The following CLXN variants were observed in gnomAD, a reference collection of about 807,000 sequenced individuals.
CLXN encodes the protein EF-hand calcium binding domain 1.
the CLXN span, among the ~76,000 whole-genome samples, chr8:48,730,278 A>T: frequency 6.6e-6 from 1 of 152,242 alleles, no homozygotes; most frequent in South Asian, 2.1e-4. Flanking sequence ...GTATATGTAC[A>T]TAATTAGCAT....
chr8:48,734,385 TA>T, the CLXN span: 3 of 152,230 alleles, frequency 2.0e-5, no homozygotes, highest in African/African-American at 7.2e-5. Flanking sequence ...CAAAGTTTCC[TA>T]TGAAATTCTA....
chr8:48,729,028 A>G, the CLXN span: 1 of 1,586,700 alleles, frequency 6.3e-7, no homozygotes. Context: ...GTTCAGGGAA[A>G]GTCATATCAA....
chr8:48,735,223 C>T, the CLXN span: 2 of 1,567,544 alleles, frequency 1.3e-6, no homozygotes, highest in East Asian at 2.2e-5. Context: ...TCGCGGGACC[C>T]CCGCGAGCCC....
At chr8:48,722,849 T>C in the CLXN span, among the ~76,000 whole-genome samples, 1 of 152,032 alleles carries the variant, frequency 6.6e-6, no homozygotes, top group African/African-American at 2.4e-5. Flanking sequence ...ACAACATGGA[T>C]GAACCTGGAG....
chr8:48,732,278 G>A, the CLXN span, among the ~76,000 whole-genome samples: 24 of 152,226 alleles, frequency 1.6e-4, no homozygotes, highest in African/African-American at 4.3e-4. Context: ...AAGTATGGGC[G>A]GAAGTTGGGG....
At chr8:48,731,322 TA>T in the CLXN span, 1 of 1,563,194 alleles carries the variant, frequency 6.4e-7, no homozygotes, top group East Asian at 2.4e-5. Context: ...TGGATTTGGC[TA>T]ATTTGAATCT....
At chr8:48,731,586 A>G in the CLXN span, 601 of 1,177,036 alleles carry the variant, frequency 5.1e-4, no homozygotes, top group Non-Finnish European at 6.7e-4. Context: ...TTTACAGACA[A>G]ACAACGTCAA....
chr8:48,735,257 G>A, the CLXN span: 1 of 1,295,744 alleles, frequency 7.7e-7, no homozygotes, highest in South Asian at 1.2e-5. Flanking sequence ...ACGCGGTGAG[G>A]TCTCAGTTAC....
the CLXN span, among the ~76,000 whole-genome samples, chr8:48,727,607 G>T: frequency 1.3e-5 from 2 of 152,138 alleles, no homozygotes; most frequent in Non-Finnish European, 2.9e-5. Context: ...TGTGGCTCCA[G>T]CAGCAAGAGA....
chr8:48,734,097 A>G, the CLXN span, among the ~76,000 whole-genome samples: 7 of 152,172 alleles, frequency 4.6e-5, no homozygotes, highest in Admixed American at 3.9e-4. Context: ...CCACTAAGAG[A>G]GCATTTCTTA....
At chr8:48,733,681 T>C in the CLXN span, among the ~76,000 whole-genome samples, 1 of 152,166 alleles carries the variant, frequency 6.6e-6, no homozygotes, top group Admixed American at 6.5e-5. Flanking sequence ...TCATTGAAAA[T>C]TTTTTAGTAA....
At chr8:48,729,692 T>TA in the CLXN span, 2 of 1,567,046 alleles carry the variant, frequency 1.3e-6, no homozygotes, top group East Asian at 4.5e-5. Flanking sequence ...CAAATTTTAA[T>TA]AAAAAACTTG....
the CLXN span, among the ~76,000 whole-genome samples, chr8:48,723,219 G>A: frequency 6.6e-6 from 1 of 152,108 alleles, no homozygotes; most frequent in Non-Finnish European, 1.5e-5. Flanking sequence ...ATTTCACAAT[G>A]CATACAAATA....
chr8:48,714,615 G>A, the CLXN span, among the ~76,000 whole-genome samples: 2 of 152,158 alleles, frequency 1.3e-5, no homozygotes, highest in East Asian at 1.9e-4. Flanking sequence ...TACTTTAAAT[G>A]ATAAATTAAA....
At chr8:48,724,903 G>A in the CLXN span, 1 of 878,858 alleles carries the variant, frequency 1.1e-6, no homozygotes, top group South Asian at 1.8e-5. Flanking sequence ...ATAACTGAGG[G>A]TTAGTGGGCA....
chr8:48,734,753 T>C, the CLXN span: 1 of 241,344 alleles, frequency 4.1e-6, no homozygotes, highest in African/African-American at 2.2e-5. Context: ...CTACTTTTCT[T>C]GAGACCAGTT....
chr8:48,725,998 C>A, the CLXN span, among the ~76,000 whole-genome samples: 1 of 138,344 alleles, frequency 7.2e-6, no homozygotes, highest in African/African-American at 2.7e-5. Flanking sequence ...ACCTCACCAT[C>A]CATCCACCTC....
At chr8:48,728,326 C>T in the CLXN span, among the ~76,000 whole-genome samples, 5 of 152,116 alleles carry the variant, frequency 3.3e-5, no homozygotes, top group African/African-American at 1.2e-4. Flanking sequence ...CATACATCAC[C>T]CATTGCTCAG....
chr8:48,724,635 C>G, the CLXN span: 1 of 860,506 alleles, frequency 1.2e-6, no homozygotes, highest in Non-Finnish European at 1.8e-6. Flanking sequence ...CATCTTCACC[C>G]TGAAACACAC....
Sources: gnomAD v4.1 joint callset for allele counts (sites outside exome capture counted in the v4.1 genomes callset) on GRCh38, gnomAD v4.1.1 for gene constraint, MANE v1.5 for transcripts, NCBI Gene and HGNC (gene_info 2026-07-23, HGNC 2026-07-21) for gene names.